The following ABCA10 variants were observed in gnomAD, a reference collection of about 807,000 sequenced individuals.
The protein encoded by ABCA10 is ATP binding cassette subfamily A member 10.
Under a neutral mutation model 187.5 loss-of-function variants are expected in ABCA10, and 169 were observed. The observed-to-expected ratio is 0.90, with a 90% CI of 0.80 to 1.02. ABCA10 has a LOEUF of 1.02. Among genes scored for constraint, ABCA10 ranks in the 50% least tolerant of loss-of-function variants. The pLI is 0.00. For missense variants in ABCA10, 1,727 were observed against 1,812.4 expected, an observed-to-expected ratio of 0.95 and a Z score of 0.86; for synonymous variants, 574 against 601.8, an observed-to-expected ratio of 0.95 and a Z score of 0.68.
intron 27 of ABCA10, among the ~76,000 whole-genome samples, chr17:69,161,750 C>G (rs79690116): frequency 6.7e-6 from 1 of 150,074 alleles, no homozygotes. Context: ...GAAAAGAGCC[C>G]CTATCAGAAC....
chr17:69,156,900 G>A lies in ABCA10; in HGVS notation c.3387C>T (p.Phe1129=). ...TLIPYLQSVI[F]LFVIRCLEMK... is the part of the protein sequence containing the mutation. ...TTTCCAGACACCTTATGACAAAAAGGAAAATAACACTCTGAAGGTATGGCT... is the reference window on the plus strand; with the variant it reads ...TTTCCAGACACCTTATGACAAAAAGAAAAATAACACTCTGAAGGTATGGCT... The change falls in exon 28 of 39, where the codon TTC becomes TTT. Residue 1129 remains phenylalanine (F), a synonymous_variant. Coordinates refer to ENST00000690296, the MANE Select transcript of ABCA10 (RefSeq NM_001377321.1). The A allele has an allele frequency of 6.3e-7, 1 of 1,583,486 alleles. No homozygotes were observed. The highest frequency in any genetic ancestry group is 8.6e-7 in the Non-Finnish European group (1 of 1,164,660).
intron 9 of ABCA10, among the ~76,000 whole-genome samples, chr17:69,211,314 GATAT>G (rs58580286): frequency 0.12 from 3,444 of 28,674 alleles, 79 homozygotes; most frequent in Non-Finnish European, 0.13. Context: ...TCATATATAT[GATAT>G]ATATATATAT....
In ABCA10 at chr17:69,193,887, A is replaced by G. The variant is rs773934080; in HGVS notation, c.1448T>C (p.Phe483Ser). ...FCPQFNFQFD[F>S]LTVRENLRVF... ...CCTGAGGTTTTCTCTCACAGTGAGG[A>G]AGTCAAATTGAAAATTGAACTGTGG... is the stretch of plus-strand genomic sequence containing the variant. The change falls in exon 13 of 39, where the codon TTC becomes TCC. Residue 483 changes from phenylalanine (F) to serine (S), a missense_variant. Phe to Ser is a radical substitution (Grantham distance 155). Transcript: ENST00000690296. The G allele has an allele frequency of 9.3e-6, 15 of 1,613,378 alleles. No homozygotes were observed.
intron 22 of ABCA10, among the ~76,000 whole-genome samples, chr17:69,179,520 G>A (rs1450587830): frequency 5.3e-5 from 8 of 152,144 alleles, no homozygotes; most frequent in African/African-American, 1.9e-4. Context: ...AGCCTCAAGA[G>A]TAACTTCTTT....
intron 16 of ABCA10, among the ~76,000 whole-genome samples, chr17:69,191,957 T>C (rs1285780024): frequency 6.6e-6 from 1 of 152,252 alleles, no homozygotes; most frequent in African/African-American, 2.4e-5. Context: ...TTAGGCCAAA[T>C]TGTTTTGCTA....
At position 69,163,787 on chromosome 17, in the gene ABCA10, C is replaced by A. The variant is rs553276839; in HGVS notation, c.3363+287G>T. Among the ~76,000 whole-genome samples the A allele has an allele frequency of 2.0e-5, 3 of 152,292 alleles. No homozygotes were observed. In the South Asian group the frequency reaches 6.2e-4, roughly 32 times the overall value. On this transcript the variant is annotated intron_variant, in intron 27 of 38. Coordinates refer to ENST00000690296, the MANE Select transcript of ABCA10 (RefSeq NM_001377321.1). ...CATATTTACTTGATTCTGAGCCATA[C>A]ACCATATGCTGCATTTCTTACATAC...
chr17:69,174,766 T>A lies in ABCA10; in HGVS notation c.2889A>T (p.Gln963His), dbSNP rs778553151. 1 of 1,578,266 alleles carries A rather than the reference T, an allele frequency of 6.3e-7. No individual in the cohort carries two copies. The highest frequency in any genetic ancestry group is 1.7e-4 in the Middle Eastern group (1 of 5,870). The change falls in exon 24 of 39, where the codon CAA (glutamine) becomes CAT (histidine). Residue 963 changes from glutamine to histidine, a missense_variant. Gln to His is a conservative substitution (Grantham distance 24, BLOSUM62 0). Transcript: ENST00000690296. ...SSISDYKKNV[Q>H]SQLWISGLWP... ...AGAGGCCTGAAATCCATAACTGGGATTGAACATTTTTCTGACAAAGAATAG... is the reference window on the plus strand; with the variant it reads ...AGAGGCCTGAAATCCATAACTGGGAATGAACATTTTTCTGACAAAGAATAG...
At chr17:69,240,135 C>T (rs542453701) in intron 1 of ABCA10, among the ~76,000 whole-genome samples, 4 of 152,290 alleles carry the variant, frequency 2.6e-5, no homozygotes, top group African/African-American at 7.2e-5. Flanking sequence ...ATTGTTTGAT[C>T]ATGCACCCTT....
Position 69,214,797 on chromosome 17 carries a change from C to T in ABCA10, c.913G>A (p.Asp305Asn), listed in dbSNP as rs1448032238. ...SGVIFPDPSGDSYKMIATFFI... is the reference protein window; with the variant it reads ...SGVIFPDPSGNSYKMIATFFI... ...AAAGTGGCTATCATTTTGTATGAATCCCCAGAGGGATCAGGAAAAATAACA... is the reference window on the plus strand; with the variant it reads ...AAAGTGGCTATCATTTTGTATGAATTCCCAGAGGGATCAGGAAAAATAACA... The change falls in exon 9 of 39, where the codon GAT (aspartate) becomes AAT (asparagine). Residue 305 changes from aspartate to asparagine, a missense_variant. By Grantham distance (23) the Asp-to-Asn change is conservative. Coordinates refer to ENST00000690296, the MANE Select transcript of ABCA10 (RefSeq NM_001377321.1). 1.3e-6 allele frequency: 2 copies of T among 1,507,080 alleles called. No individual in the cohort carries two copies. The highest frequency in any genetic ancestry group is 1.8e-6 in the Non-Finnish European group (2 of 1,133,410). 93.4% of individuals were successfully genotyped at this position (1,507,080 alleles called of 1,614,324 possible).
At position 69,221,786 on chromosome 17, in the gene ABCA10, A is replaced by T. The variant is rs748289810; in HGVS notation, c.303+6T>A. The T allele has an allele frequency of 2.5e-6, 4 of 1,602,450 alleles. No individual in the cohort carries two copies. The highest frequency in any genetic ancestry group is 1.3e-5 in the African/African-American group (1 of 74,426). ...TTAAAATATAGCTTTGAAGTTAGGC[A>T]CTTACTTCTATAATTGCAGCATTAA... is the stretch of plus-strand genomic sequence containing the variant. On this transcript the variant is annotated splice_donor_region_variant and intron_variant, in intron 5 of 38. Transcript: ENST00000690296.
chr17:69,202,473 T>C (rs988359960), intron 9 of ABCA10, among the ~76,000 whole-genome samples: 5 of 152,182 alleles, frequency 3.3e-5, no homozygotes, highest in Non-Finnish European at 4.4e-5. Context: ...TGGACAACTG[T>C]TGTCAAATAG....
intron 1 of ABCA10, among the ~76,000 whole-genome samples, chr17:69,240,273 T>C (rs1365762640): frequency 6.6e-6 from 1 of 152,218 alleles, no homozygotes; most frequent in Non-Finnish European, 1.5e-5. Flanking sequence ...AGTTACTTTA[T>C]GTCTTAATCC....
chr17:69,233,723 A>C (rs2074846379), upstream of ABCA10: 1 of 152,260 alleles, frequency 6.6e-6, no homozygotes, highest in Admixed American at 6.5e-5. Flanking sequence ...GATCTTCCAC[A>C]GACTCTAAGG....
At chr17:69,238,292 T>C (rs2074884227) in intron 1 of ABCA10, among the ~76,000 whole-genome samples, 1 of 152,154 alleles carries the variant, frequency 6.6e-6, no homozygotes, top group South Asian at 2.1e-4. Flanking sequence ...CCTCTAGAAC[T>C]GTAAGAGAAT....
At chr17:69,159,385 A>C (rs2074198215) in intron 27 of ABCA10, among the ~76,000 whole-genome samples, 2 of 152,100 alleles carry the variant, frequency 1.3e-5, no homozygotes, top group Admixed American at 1.3e-4. Flanking sequence ...AATTTTTTTT[A>C]AGAAATGATG....
At chr17:69,236,956 C>T (rs1234545159) in intron 1 of ABCA10, among the ~76,000 whole-genome samples, 3 of 152,150 alleles carry the variant, frequency 2.0e-5, no homozygotes, top group Non-Finnish European at 2.9e-5. Flanking sequence ...CACTTCAGTG[C>T]AAAATAAGTT....
In ABCA10 at chr17:69,170,437, C is replaced by CA. The variant is rs71144658; in HGVS notation, c.3162+3843dup. 4.0e-3 allele frequency among the ~76,000 whole-genome samples: 443 copies of CA among 109,676 alleles called. 6 individuals are homozygous for CA. Among genetic ancestry groups the CA allele is most frequent in the African/African-American group, 0.011 (330 of 29,240 alleles). 72.0% of individuals were successfully genotyped at this position (109,676 alleles called of 152,430 possible). A position where few individuals can be genotyped will look rare whatever the true frequency, so the allele number is the denominator to read the frequency against. ...ACCACATCTATATTGTTTTACTCAT[C>CA]AAAAAAAAAAAAAAAAAAAAGAAGT... On this transcript the variant is annotated intron_variant, in intron 25 of 38. Transcript: ENST00000690296.
intron 8 of ABCA10, chr17:69,215,478 G>A (rs1387412800): frequency 5.3e-6 from 1 of 187,846 alleles, no homozygotes; most frequent in Non-Finnish European, 1.1e-5. Flanking sequence ...AGGCAACAGA[G>A]ATGAGACCCT....
intron 25 of ABCA10, among the ~76,000 whole-genome samples, chr17:69,166,149 G>A (rs2144768828): frequency 6.6e-6 from 1 of 152,202 alleles, no homozygotes; most frequent in South Asian, 2.1e-4. Context: ...TTAAAATGCT[G>A]TGTGAGGCTA....
Sources: allele counts gnomAD v4.1 joint callset (sites outside exome capture counted in the v4.1 genomes callset), GRCh38; gene constraint gnomAD v4.1.1; transcripts MANE v1.5; gene names NCBI Gene and HGNC (gene_info 2026-07-23, HGNC 2026-07-21).